The following IL1RAPL1 variants were observed in gnomAD, a reference collection of about 807,000 sequenced individuals.
IL1RAPL1 encodes interleukin 1 receptor accessory protein like 1.
A neutral mutation model predicts 48.4 loss-of-function variants in IL1RAPL1; 3 were observed. That is an observed-to-expected ratio of 0.06 (90% CI 0.03 to 0.16). IL1RAPL1 has a LOEUF of 0.16. Among genes scored for constraint, IL1RAPL1 ranks in the 10% least tolerant of loss-of-function variants. The pLI, the probability that IL1RAPL1 is intolerant of heterozygous loss-of-function variation, is 1.00. For synonymous variants in IL1RAPL1, 185 were observed against 187.7 expected (o/e 0.99, Z 0.12); for missense variants, 349 against 530.6 (o/e 0.66, Z 3.36).
In IL1RAPL1 at chrX:28,968,290, GAA is replaced by G. The variant is rs763928481; in HGVS notation, c.82+178866_82+178867del. On this transcript the variant is annotated intron_variant, in intron 2 of 10. Transcript: ENST00000378993. ...TGTATATAATTATTAGTTAGCTAATGAAGTGTAGGTTATTATTAATTTGGGGG... is the reference window on the plus strand; with the variant it reads ...TGTATATAATTATTAGTTAGCTAATGGTGTAGGTTATTATTAATTTGGGGG... 3.2e-4 allele frequency among the ~76,000 whole-genome samples: 36 copies of G among 111,480 alleles called. No homozygotes were observed. The East Asian group carries it at 8.7e-3, about 27-fold the overall frequency.
intron 3 of IL1RAPL1, among the ~76,000 whole-genome samples, chrX:29,372,357 A>T (rs1373253534): frequency 8.9e-6 from 1 of 111,806 alleles, no homozygotes; most frequent in Non-Finnish European, 1.9e-5. Context: ...ATATTTTCTC[A>T]TTCTGTAGGT....
intron 6 of IL1RAPL1, among the ~76,000 whole-genome samples, chrX:29,717,767 A>G (rs1412715828): frequency 8.9e-6 from 1 of 112,209 alleles, no homozygotes; most frequent in Non-Finnish European, 1.9e-5. Context: ...AATATTTACT[A>G]TCTAGCCATT....
At chrX:29,078,499 G>A (rs1379868210) in intron 2 of IL1RAPL1, among the ~76,000 whole-genome samples, 1 of 111,775 alleles carries the variant, frequency 8.9e-6, no homozygotes. Flanking sequence ...AAAAAATGAG[G>A]TCATGACATA....
intron 2 of IL1RAPL1, among the ~76,000 whole-genome samples, chrX:29,206,243 A>G (rs1448845690): frequency 9.0e-6 from 1 of 110,803 alleles, no homozygotes; most frequent in Non-Finnish European, 1.9e-5. Context: ...TATTTTGTGT[A>G]TGTATAGGAT....
intron 2 of IL1RAPL1, among the ~76,000 whole-genome samples, chrX:28,792,832 TATATATATATATATATATAA>T (rs1214409062): frequency 2.9e-4 from 17 of 58,462 alleles, no homozygotes; most frequent in African/African-American, 5.2e-4. Flanking sequence ...TATATATATA[TATATATATATATATATATAA>T]AAAATAAGGC....
rs773893255 is a variant in IL1RAPL1, at chrX:28,928,409, G to C, written c.82+138984G>C. Among the ~76,000 whole-genome samples, 468 of 111,160 alleles carry C rather than the reference G, an allele frequency of 4.2e-3. 4 individuals carry two copies. The highest frequency in any genetic ancestry group is 0.014 in the African/African-American group (438 of 30,610). ...AATAATCTTTGAAAAGGTAGACCAG[G>C]TAATTTTACTCCACTGACTTCCTAT... On this transcript the variant is annotated intron_variant, in intron 2 of 10. Coordinates refer to ENST00000378993, the MANE Select transcript of IL1RAPL1 (RefSeq NM_014271.4).
intron 2 of IL1RAPL1, among the ~76,000 whole-genome samples, chrX:29,000,160 G>A (rs1035349799): frequency 1.8e-5 from 2 of 111,089 alleles, no homozygotes; most frequent in Non-Finnish European, 3.8e-5. Flanking sequence ...TAAAGTAGTG[G>A]GGAGAAATTA....
At chrX:28,998,814 T>C (rs1234752657) in intron 2 of IL1RAPL1, among the ~76,000 whole-genome samples, 2 of 112,269 alleles carry the variant, frequency 1.8e-5, no homozygotes, top group East Asian at 5.6e-4. Context: ...TTGAGATTTA[T>C]GGTGTGGAGG....
chrX:28,952,824 T>C (rs181394137), intron 2 of IL1RAPL1, among the ~76,000 whole-genome samples: 8 of 111,642 alleles, frequency 7.2e-5, no homozygotes, highest in Non-Finnish European at 1.1e-4. Flanking sequence ...TATAATGATA[T>C]TTATCTCCAT....
At chrX:29,140,019 C>T (rs1237236465) in intron 2 of IL1RAPL1, among the ~76,000 whole-genome samples, 1 of 111,317 alleles carries the variant, frequency 9.0e-6, no homozygotes, top group African/African-American at 3.3e-5. Flanking sequence ...AAGCATGGAG[C>T]CAGCATCTGC....
At chrX:29,141,954 TGTA>T (rs34780427) in intron 2 of IL1RAPL1, among the ~76,000 whole-genome samples, 30,411 of 111,023 alleles carry the variant, frequency 0.27, 3,883 homozygotes, top group African/African-American at 0.49. Flanking sequence ...GGGAGAATAT[TGTA>T]GTAATATTTG....
intron 5 of IL1RAPL1, among the ~76,000 whole-genome samples, chrX:29,442,431 A>G (rs1934558215): frequency 9.0e-6 from 1 of 111,616 alleles, no homozygotes; most frequent in African/African-American, 3.3e-5. Flanking sequence ...GTGCACCAAA[A>G]TCTCACAAAT....
intron 2 of IL1RAPL1, among the ~76,000 whole-genome samples, chrX:28,792,787 C>CAAAA (rs1189410830): frequency 2.1e-4 from 2 of 9,723 alleles, no homozygotes; most frequent in Non-Finnish European, 2.7e-4. Context: ...GACTCCATCT[C>CAAAA]AAAAAAAAAA....
chrX:29,340,722 C>T (rs1307025081), intron 3 of IL1RAPL1, among the ~76,000 whole-genome samples: 3 of 111,359 alleles, frequency 2.7e-5, no homozygotes, highest in African/African-American at 9.8e-5. Flanking sequence ...TTCCTTCTTC[C>T]TTTCTGAAAT....
chrX:29,899,727 A>G (rs1482375249), intron 6 of IL1RAPL1, among the ~76,000 whole-genome samples: 2 of 108,987 alleles, frequency 1.8e-5, no homozygotes, highest in African/African-American at 6.7e-5. Flanking sequence ...TATTTTTAGT[A>G]GAGACAGGGT....
intron 2 of IL1RAPL1, among the ~76,000 whole-genome samples, chrX:29,032,612 C>T (rs755019632): frequency 8.9e-6 from 1 of 112,641 alleles, no homozygotes; most frequent in Non-Finnish European, 1.9e-5. Context: ...GGATCAATAA[C>T]AAATTCTTGC....
At chrX:29,078,815 TGTAATTATGATAATTTCAA>T (rs1927740597) in intron 2 of IL1RAPL1, among the ~76,000 whole-genome samples, 1 of 111,938 alleles carries the variant, frequency 8.9e-6, no homozygotes, top group African/African-American at 3.2e-5. Context: ...TGTAAATATG[TGTAATTATGATAATTTCAA>T]AAACCATGTT....
chrX:28,797,727 C>T (rs1936629802), intron 2 of IL1RAPL1, among the ~76,000 whole-genome samples: 1 of 111,689 alleles, frequency 9.0e-6, no homozygotes, highest in Admixed American at 9.5e-5. Flanking sequence ...CTTCTGAATC[C>T]TCCAAACTGT....
At chrX:29,569,794 T>G (rs1231146038) in intron 5 of IL1RAPL1, among the ~76,000 whole-genome samples, 1 of 112,312 alleles carries the variant, frequency 8.9e-6, no homozygotes, top group African/African-American at 3.2e-5. Context: ...ATTATTAAGC[T>G]TTGCTTAATT....
Sources: gnomAD v4.1 joint callset for allele counts (sites outside exome capture counted in the v4.1 genomes callset) on GRCh38, gnomAD v4.1.1 for gene constraint, MANE v1.5 for transcripts, NCBI Gene and HGNC (gene_info 2026-07-23, HGNC 2026-07-21) for gene names.